Variants in ROBO2 observed in about 807,000 individuals in gnomAD.
ROBO2 encodes roundabout guidance receptor 2.
In ROBO2, 53 loss-of-function variants were observed where a neutral mutation model predicts 160.8. That is an observed-to-expected ratio of 0.33 (90% confidence interval 0.26 to 0.41). The LOEUF is 0.41. Ranked by LOEUF, ROBO2 falls within the 10% of genes least tolerant of loss-of-function variation. The pLI is 1.00. For missense variants in ROBO2, 1,577 were observed against 1,722.4 expected (o/e 0.92, Z 1.49); for synonymous variants, 664 against 611.7 (o/e 1.09, Z -1.26).
chr3:76,261,312 G>C (rs983169900), intron 2 of ROBO2, among the ~76,000 whole-genome samples: 14 of 151,622 alleles, frequency 9.2e-5, no homozygotes, highest in African/African-American at 2.4e-4. Context: ...TACCTGGAGA[G>C]TCTTTACCTG....
At chr3:76,913,832 T>C (rs1457487718) in intron 2 of ROBO2, among the ~76,000 whole-genome samples, 1 of 152,126 alleles carries the variant, frequency 6.6e-6, no homozygotes, top group Non-Finnish European at 1.5e-5. Flanking sequence ...ATAATACTCC[T>C]TTAGATGAGT....
chr3:77,335,154 C>T (rs2066362118), intron 2 of ROBO2, among the ~76,000 whole-genome samples: 1 of 152,158 alleles, frequency 6.6e-6, no homozygotes, highest in Non-Finnish European at 1.5e-5. Flanking sequence ...GGCATGGTGG[C>T]TCACCCCTGT....
chr3:76,402,456 A>T (rs6767481), intron 2 of ROBO2, among the ~76,000 whole-genome samples: 5 of 151,362 alleles, frequency 3.3e-5, no homozygotes, highest in African/African-American at 9.7e-5. Flanking sequence ...TTTTATAACT[A>T]GTGTAGTAGA....
At chr3:76,551,777 G>GAT (rs2083439568) in intron 2 of ROBO2, among the ~76,000 whole-genome samples, 1 of 152,156 alleles carries the variant, frequency 6.6e-6, no homozygotes, top group Non-Finnish European at 1.5e-5. Flanking sequence ...TCCAACTGCA[G>GAT]CCTTGCATGA....
intron 2 of ROBO2, among the ~76,000 whole-genome samples, chr3:76,114,689 A>G (rs2070382893): frequency 6.6e-6 from 1 of 152,152 alleles, no homozygotes; most frequent in Non-Finnish European, 1.5e-5. Context: ...TTTGGAGCCC[A>G]CATACTTTTC....
chr3:76,833,224 C>A (rs1035144465), intron 2 of ROBO2, among the ~76,000 whole-genome samples: 7 of 152,022 alleles, frequency 4.6e-5, no homozygotes, highest in Non-Finnish European at 7.4e-5. Context: ...CCCCTTAGGC[C>A]TGGTTATATA....
In ROBO2 at chr3:77,153,944, G is replaced by A. The variant is rs974582280; in HGVS notation, c.388+55604G>A. ...TATTAGATAAGTCTAAAATTTAGGA[G>A]AATCTTTCTTATTTTAAGTAGAAAA... On this transcript the variant is annotated intron_variant, in intron 2 of 25. Transcript: ENST00000461745. Among the ~76,000 whole-genome samples, 3 of 152,010 alleles carry A rather than the reference G, an allele frequency of 2.0e-5. No individual in the cohort carries two copies. In the South Asian group the frequency reaches 6.2e-4, roughly 32 times the overall value.
chr3:76,597,171 A>T (rs954587827), intron 2 of ROBO2, among the ~76,000 whole-genome samples: 9 of 152,158 alleles, frequency 5.9e-5, no homozygotes, highest in Non-Finnish European at 1.3e-4. Flanking sequence ...AATTTTTAGG[A>T]AAAACAAATT....
intron 2 of ROBO2, among the ~76,000 whole-genome samples, chr3:76,906,202 G>T: frequency 6.6e-6 from 1 of 151,878 alleles, no homozygotes; most frequent in Admixed American, 6.6e-5. Context: ...CTTAACACCA[G>T]AAATAAACTT....
At chr3:76,424,828 G>T (rs969372252) in intron 2 of ROBO2, among the ~76,000 whole-genome samples, 1 of 152,070 alleles carries the variant, frequency 6.6e-6, no homozygotes, top group Non-Finnish European at 1.5e-5. Context: ...ATTGCCAATC[G>T]TGCTACAATA....
At chr3:77,496,318 A>G (rs1318944038) in intron 5 of ROBO2, among the ~76,000 whole-genome samples, 1 of 152,196 alleles carries the variant, frequency 6.6e-6, no homozygotes, top group Non-Finnish European at 1.5e-5. Flanking sequence ...TCATCATGAA[A>G]GAAGCATGTA....
chr3:76,125,528 C>T (rs2070937212), intron 2 of ROBO2, among the ~76,000 whole-genome samples: 1 of 152,192 alleles, frequency 6.6e-6, no homozygotes, highest in Middle Eastern at 3.4e-3. Flanking sequence ...GACTTTTTAA[C>T]AACAGCCATT....
chr3:77,050,335 A>T (rs1373604932), intron 1 of ROBO2, among the ~76,000 whole-genome samples: 1 of 147,268 alleles, frequency 6.8e-6, no homozygotes. Flanking sequence ...CCGTTTGTGT[A>T]TTCTAAGTAC....
chr3:77,041,627 C>A (rs2064110391), intron 1 of ROBO2, among the ~76,000 whole-genome samples: 1 of 152,244 alleles, frequency 6.6e-6, no homozygotes, highest in African/African-American at 2.4e-5. Flanking sequence ...ATTTCTTGTG[C>A]GACTATTGCA....
intron 2 of ROBO2, among the ~76,000 whole-genome samples, chr3:76,213,101 T>C (rs1224602624): frequency 6.6e-6 from 1 of 152,094 alleles, no homozygotes; most frequent in Non-Finnish European, 1.5e-5. Flanking sequence ...TTTAATTCAC[T>C]GTACAGAGGC....
At chr3:76,249,577 G>A (rs1705855669) in intron 2 of ROBO2, among the ~76,000 whole-genome samples, 1 of 152,086 alleles carries the variant, frequency 6.6e-6, no homozygotes, top group Non-Finnish European at 1.5e-5. Context: ...AAGCAACTAA[G>A]TCATGTTTAC....
intron 21 of ROBO2, among the ~76,000 whole-genome samples, chr3:77,612,035 A>G (rs559503874): frequency 4.6e-5 from 7 of 152,294 alleles, no homozygotes; most frequent in South Asian, 2.1e-4. Context: ...TCTGGCCTTT[A>G]CAAGTTAATT....
intron 2 of ROBO2, among the ~76,000 whole-genome samples, chr3:77,292,605 A>T (rs899503618): frequency 4.0e-5 from 6 of 151,292 alleles, no homozygotes; most frequent in Non-Finnish European, 7.4e-5. Flanking sequence ...ATCACCCCAG[A>T]CATAAAGTAA....
intron 2 of ROBO2, among the ~76,000 whole-genome samples, chr3:77,356,568 G>A (rs1425184817): frequency 6.6e-6 from 1 of 152,016 alleles, no homozygotes. Context: ...TATAACAAAA[G>A]GCAGATTAAT....
Sources: gnomAD v4.1 joint callset for allele counts (sites outside exome capture counted in the v4.1 genomes callset) on GRCh38, gnomAD v4.1.1 for gene constraint, MANE v1.5 for transcripts, NCBI Gene and HGNC (gene_info 2026-07-23, HGNC 2026-07-21) for gene names.